PRR5L: variants seen among roughly 807,000 people sequenced by gnomAD.
PRR5L encodes the protein proline-rich protein 5-like.
Under a neutral mutation model 36.4 loss-of-function variants are expected in PRR5L, and 21 were observed. The observed-to-expected ratio is 0.58, with a 90% confidence interval of 0.41 to 0.83. The LOEUF (loss-of-function observed/expected upper bound fraction) is 0.83, where lower values mean the gene tolerates loss of function less well. PRR5L is among the 40% of genes least tolerant of loss of function. The pLI is 0.00. For missense variants in PRR5L, 381 were observed against 473.3 expected, an observed-to-expected ratio of 0.80 and a Z score of 1.81; for synonymous variants, 188 against 197.0, an observed-to-expected ratio of 0.95 and a Z score of 0.38.
chr11:36,318,063 T>C (rs1856575571), intron 1 of PRR5L, among the ~76,000 whole-genome samples: 1 of 152,218 alleles, frequency 6.6e-6, no homozygotes, highest in Admixed American at 6.5e-5. Context: ...TTTTCTATGT[T>C]TACATACACA....
intron 3 of PRR5L, among the ~76,000 whole-genome samples, chr11:36,416,427 C>T (rs766931582): frequency 1.3e-5 from 2 of 152,286 alleles, no homozygotes; most frequent in African/African-American, 2.4e-5. Flanking sequence ...TCCTACTGTA[C>T]CTGGCTATGG....
At chr11:36,388,313 G>C (rs1220281099) in intron 1 of PRR5L, 4 of 152,216 alleles carry the variant, frequency 2.6e-5, no homozygotes, top group Admixed American at 2.6e-4. Context: ...GCTGAATCCT[G>C]ACTTCCTCCT....
intron 3 of PRR5L, among the ~76,000 whole-genome samples, chr11:36,411,470 C>A (rs1858025153): frequency 6.6e-6 from 1 of 152,056 alleles, no homozygotes; most frequent in Non-Finnish European, 1.5e-5. Context: ...ATTTTTTCCC[C>A]CTGTTATGGC....
intron 4 of PRR5L, among the ~76,000 whole-genome samples, chr11:36,423,061 CT>C (rs540398218): frequency 0.01 from 1,555 of 152,186 alleles, 17 homozygotes; most frequent in African/African-American, 0.034. Context: ...GTGTTATAAG[CT>C]TTTGCCCCAA....
intron 1 of PRR5L, among the ~76,000 whole-genome samples, chr11:36,354,867 A>G (rs919190067): frequency 1.3e-5 from 2 of 152,210 alleles, no homozygotes; most frequent in Admixed American, 1.3e-4. Flanking sequence ...GGAAAAGTGA[A>G]GACTAAACTG....
At chr11:36,420,330 G>C (rs1858237101) in intron 4 of PRR5L, among the ~76,000 whole-genome samples, 1 of 152,202 alleles carries the variant, frequency 6.6e-6, no homozygotes, top group African/African-American at 2.4e-5. Context: ...TAGTGTGTAG[G>C]GGGGCAGTAT....
At chr11:36,419,190 A>G (rs1858212081) in intron 3 of PRR5L, 65 bp from the exon 4 acceptor site, 1 of 1,503,078 alleles carries the variant, frequency 6.7e-7, no homozygotes, top group African/African-American at 1.4e-5. Context: ...TGGTGAGCAC[A>G]TTGTCACCAT....
chr11:36,380,756 G>C (rs1857353853), intron 1 of PRR5L, among the ~76,000 whole-genome samples: 1 of 152,152 alleles, frequency 6.6e-6, no homozygotes. Flanking sequence ...TGAGATTTTA[G>C]AGGTTTTTAT....
Position 36,456,323 on chromosome 11 carries a change from G to A in PRR5L, c.712+4988G>A, listed in dbSNP as rs557325065. 7.0e-4 allele frequency among the ~76,000 whole-genome samples: 106 copies of A among 152,310 alleles called. 1 individual carries two copies. The South Asian group carries it at 9.1e-3, about 13-fold the overall frequency. On this transcript the variant is annotated intron_variant, in intron 8 of 8. Transcript: ENST00000530639. ...CAAACCACATCCTTGGCCTTGCCTT[G>A]CTGTATTGCCATGTCCTATTTCTCA...
At chr11:36,372,404 G>T (rs965929562) in intron 1 of PRR5L, among the ~76,000 whole-genome samples, 1 of 152,190 alleles carries the variant, frequency 6.6e-6, no homozygotes, top group East Asian at 1.9e-4. Flanking sequence ...GAGGGCCTCT[G>T]CTTCTCCTGG....
chr11:36,382,986 C>CT (rs1857396195), intron 1 of PRR5L, among the ~76,000 whole-genome samples: 1 of 113,828 alleles, frequency 8.8e-6, no homozygotes, highest in African/African-American at 3.3e-5. Context: ...GAATTCTTCT[C>CT]TTTGACAGTC....
intron 3 of PRR5L, among the ~76,000 whole-genome samples, chr11:36,417,982 A>G (rs1178668975): frequency 6.6e-6 from 1 of 152,242 alleles, no homozygotes; most frequent in Non-Finnish European, 1.5e-5. Flanking sequence ...AAAGAATAGT[A>G]TGGATAGTTC....
intron 1 of PRR5L, among the ~76,000 whole-genome samples, chr11:36,368,889 A>G (rs998805967): frequency 5.3e-5 from 8 of 152,258 alleles, no homozygotes; most frequent in Non-Finnish European, 1.2e-4. Context: ...ATTGATAGAC[A>G]CTACCCACGA....
chr11:36,321,383 T>C (rs1220565631), intron 1 of PRR5L: 1 of 152,228 alleles, frequency 6.6e-6, no homozygotes, highest in Admixed American at 6.5e-5. Flanking sequence ...GCTCTCTCAG[T>C]AGCTTTTTCA....
intron 1 of PRR5L, among the ~76,000 whole-genome samples, chr11:36,366,863 A>T (rs550360397): frequency 2.0e-5 from 3 of 152,130 alleles, no homozygotes; most frequent in Non-Finnish European, 4.4e-5. Flanking sequence ...TTCACAGTAG[A>T]GTTTAAAACT....
chr11:36,330,789 AG>A (rs1856710877), intron 1 of PRR5L, among the ~76,000 whole-genome samples: 1 of 152,182 alleles, frequency 6.6e-6, no homozygotes. Flanking sequence ...ACGGACAGCA[AG>A]GACATTGACA....
chr11:36,360,398 A>G (rs1020101151), intron 1 of PRR5L, among the ~76,000 whole-genome samples: 6 of 152,224 alleles, frequency 3.9e-5, no homozygotes, highest in South Asian at 2.1e-4. Context: ...AGTGCCTACT[A>G]TGTATAAGGT....
intron 1 of PRR5L, among the ~76,000 whole-genome samples, chr11:36,397,042 T>C (rs575356339): frequency 6.6e-6 from 1 of 152,060 alleles, no homozygotes; most frequent in East Asian, 1.9e-4. Context: ...GTTACCTAAC[T>C]TCTCTGATGT....
chr11:36,376,063 G>C, intron 1 of PRR5L: 2 of 939,880 alleles, frequency 2.1e-6, no homozygotes, highest in Non-Finnish European at 3.0e-6. Flanking sequence ...TGAGAGAAAC[G>C]CAAGCACGGA....
Sources: gnomAD v4.1 joint callset for allele counts (sites outside exome capture counted in the v4.1 genomes callset) on GRCh38, gnomAD v4.1.1 for gene constraint, MANE v1.5 for transcripts, NCBI Gene and HGNC (gene_info 2026-07-23, HGNC 2026-07-21) for gene names.